KDM6B: variants seen among roughly 807,000 people sequenced by gnomAD.
KDM6B encodes lysine-specific demethylase 6B.
In KDM6B, 22 loss-of-function variants were observed where a neutral mutation model predicts 150.4. The observed-to-expected ratio is 0.15, with a 90% CI of 0.10 to 0.21. The LOEUF is 0.21. Ranked by LOEUF, KDM6B falls within the 10% of genes least tolerant of loss-of-function variation. The pLI, the probability that KDM6B is intolerant of heterozygous loss-of-function variation, is 1.00. For missense variants in KDM6B, 1,984 were observed against 2,234.3 expected (o/e 0.89, Z 2.26); for synonymous variants, 1,148 against 921.1 (o/e 1.25, Z -4.46).
intron 1 of KDM6B, among the ~76,000 whole-genome samples, chr17:7,837,061 T>C (rs755015317): frequency 3.9e-5 from 6 of 152,138 alleles, no homozygotes; most frequent in Non-Finnish European, 7.4e-5. Flanking sequence ...ACGGGTGTGG[T>C]GTGGCTGAAA....
intron 1 of KDM6B, among the ~76,000 whole-genome samples, chr17:7,835,856 C>T (rs2078326090): frequency 6.6e-6 from 1 of 152,048 alleles, no homozygotes; most frequent in African/African-American, 2.4e-5. Context: ...AGGCTGCGCT[C>T]TTCAGCCCCT....
rs1360253067 is a variant in KDM6B at position 7,843,459 on chromosome 17, C to T, written c.-268-1442C>T. Among the ~76,000 whole-genome samples the T allele has an allele frequency of 6.6e-6, 1 of 152,244 alleles. No homozygotes were observed. Among genetic ancestry groups the T allele is most frequent in the Non-Finnish European group, 1.5e-5 (1 of 68,030 alleles). ...CAAGGGCTTGGCGGAGAGTGGCACG[C>T]AGGGACCTGTAGGGTCCAAGCGCTT... On this transcript the variant is annotated intron_variant, in intron 2 of 23. Transcript: ENST00000448097. This position sits in a 1 kb window ranked among gnomAD's most constrained non-coding sequence, Gnocchi z 4.5.
chr17:7,851,835 G>T, intron 18 of KDM6B, 39 bp downstream of exon 18: 1 of 1,561,290 alleles, frequency 6.4e-7, no homozygotes, highest in Non-Finnish European at 8.7e-7. Flanking sequence ...CTGGAAGCGC[G>T]AGAGGAGGGG....
Position 7,842,035 on chromosome 17 carries a change from G to C in KDM6B, c.-269+2011G>C. 1.3e-5 allele frequency among the ~76,000 whole-genome samples: 2 copies of C among 152,346 alleles called. 1 individual carries two copies. The highest frequency in any genetic ancestry group is 6.8e-3 in the Middle Eastern group (2 of 294). On this transcript the variant is annotated intron_variant, in intron 2 of 23. Transcript: ENST00000448097. ...GCGCGCAGCATGCCCGCTGATTGCC[G>C]GCTAGGTAAAACCCTATCTGCGGGC...
chr17:7,838,745 A>T (rs963816844), intron 1 of KDM6B, among the ~76,000 whole-genome samples: 2 of 150,226 alleles, frequency 1.3e-5, no homozygotes, highest in African/African-American at 2.5e-5. Context: ...ATAGATACAC[A>T]CTCTCTGCTC....
chr17:7,846,377 G>GGGCCCCCCCCCCCCCCCC, intron 7 of KDM6B, 23 bp from the exon 8 acceptor site: 4 of 1,479,410 alleles, frequency 2.7e-6, no homozygotes, highest in South Asian at 1.2e-5. Context: ...ATCTGCCCCT[G>GGGCCCCCCCCCCCCCCCC]CCCCGTGTCC....
rs752390940 is a variant in KDM6B, at chr17:7,847,523, A to AC, written c.1258-21dup. 3.1e-6 allele frequency: 5 copies of AC among 1,613,022 alleles called. No homozygotes were observed. In the South Asian group the frequency reaches 3.3e-5, roughly 11 times the overall value. On this transcript the variant is annotated intron_variant, in intron 11 of 23. Coordinates refer to ENST00000448097, the MANE Select transcript of KDM6B (RefSeq NM_001348716.2). ...TTGAGGCAGCCCGAGCAATGCTCCTACCACCTGCTTCTACACTTGCAGCCC... is the reference window on the plus strand; with the variant it reads ...TTGAGGCAGCCCGAGCAATGCTCCTACCCACCTGCTTCTACACTTGCAGCCC...
rs2078461196 is a variant in KDM6B, at chr17:7,843,536, G to C, written c.-268-1365G>C. Among the ~76,000 whole-genome samples, 1 of 152,172 alleles carries C rather than the reference G, an allele frequency of 6.6e-6. No individual in the cohort carries two copies. The highest frequency in any genetic ancestry group is 1.5e-5 in the Non-Finnish European group (1 of 68,020). On this transcript the variant is annotated intron_variant, in intron 2 of 23. Coordinates refer to ENST00000448097, the MANE Select transcript of KDM6B (RefSeq NM_001348716.2). The surrounding 1 kb of genome is among the most constrained non-coding windows in gnomAD (Gnocchi z 4.5). Reference sequence around the variant, plus strand: ...TCGGGAAGGAAGGCTCTTTTCACCAGAAACCCGTCTGCCCTTGTGGGCTGG... The same window carrying C: ...TCGGGAAGGAAGGCTCTTTTCACCACAAACCCGTCTGCCCTTGTGGGCTGG...
intron 21 of KDM6B, 135 bp from the exon 22 acceptor site, chr17:7,852,865 G>C (rs1437526051): frequency 7.5e-7 from 1 of 1,327,930 alleles, no homozygotes; most frequent in Non-Finnish European, 1.1e-6. Flanking sequence ...CCAGGACAGA[G>C]GATGTGACCT....
At chr17:7,835,486 G>A (rs1407808858) in intron 1 of KDM6B, among the ~76,000 whole-genome samples, 3 of 151,956 alleles carry the variant, frequency 2.0e-5, no homozygotes, top group Non-Finnish European at 4.4e-5. Context: ...GAGGCGCAGC[G>A]TTGACCTCGG....
intron 2 of KDM6B, among the ~76,000 whole-genome samples, chr17:7,842,964 G>A (rs1247403804): frequency 6.6e-6 from 1 of 152,154 alleles, no homozygotes; most frequent in East Asian, 1.9e-4. Context: ...TAGTGTACAG[G>A]AAGTTTTGTC....
intron 2 of KDM6B, among the ~76,000 whole-genome samples, chr17:7,840,846 C>G (rs1343382647): frequency 6.6e-6 from 1 of 152,192 alleles, no homozygotes; most frequent in Non-Finnish European, 1.5e-5. Context: ...CCTATGACTT[C>G]TGAGATTTGC....
At position 7,848,617 on chromosome 17, in the gene KDM6B, C is replaced by T; in HGVS notation, c.2329C>T (p.Pro777Ser). The T allele has an allele frequency of 6.3e-7, 1 of 1,596,240 alleles. No individual in the cohort carries two copies. Among genetic ancestry groups the T allele is most frequent in the Non-Finnish European group, 8.5e-7 (1 of 1,172,154 alleles). ...GAAGAAGCCACCACCAGCCCTACCACCACCACCGCCTCTAGCCAAGTTCCC... is the reference window on the plus strand; with the variant it reads ...GAAGAAGCCACCACCAGCCCTACCATCACCACCGCCTCTAGCCAAGTTCCC... Reference protein sequence around the residue: ...EEKKPPPALPPPPPLAKFPPP... With the variant: ...EEKKPPPALPSPPPLAKFPPP... Residue 777 changes from proline (P) to serine (S), a missense_variant, in exon 12 of 24, where the codon CCA (proline) becomes TCA (serine). By Grantham distance (74) the Pro-to-Ser change is moderately conservative. Coordinates refer to ENST00000448097, the MANE Select transcript of KDM6B (RefSeq NM_001348716.2).
chr17:7,834,295 C>T lies in KDM6B; in HGVS notation c.-443C>T, dbSNP rs1354210910. 2.0e-5 allele frequency among the ~76,000 whole-genome samples: 3 copies of T among 151,602 alleles called. No individual in the cohort carries two copies. The highest frequency in any genetic ancestry group is 6.6e-5 in the Admixed American group (1 of 15,266). ...CGGCCTGGGAGAAGGGGGGGCCGCTCGACCCCCTGGGATACCTTGGGGAGC... is the reference window on the plus strand; with the variant it reads ...CGGCCTGGGAGAAGGGGGGGCCGCTTGACCCCCTGGGATACCTTGGGGAGC... On this transcript the variant is annotated 5_prime_UTR_variant, in exon 1 of 24. Transcript: ENST00000448097.
chr17:7,835,200 A>G (rs920249943), intron 1 of KDM6B, among the ~76,000 whole-genome samples: 3 of 151,382 alleles, frequency 2.0e-5, no homozygotes, highest in African/African-American at 7.3e-5. Context: ...GGGGCTGGGG[A>G]CTCAATCTCC....
chr17:7,844,064 C>G lies in KDM6B; in HGVS notation c.-268-837C>G, dbSNP rs1024094362. ...CCTCCTCCCTCCCTCAGGACCCCCC[C>G]CCCCGCAGTACATTTACACACACCG... On this transcript the variant is annotated intron_variant, in intron 2 of 23. Transcript: ENST00000448097. The surrounding 1 kb of genome is among the most constrained non-coding windows in gnomAD (Gnocchi z 5.9). 5 of 149,834 alleles carry G rather than the reference C, an allele frequency of 3.3e-5. No homozygotes were observed. Among genetic ancestry groups the G allele is most frequent in the Admixed American group, 1.3e-4 (2 of 15,156 alleles). The allele number at this position is 149,834 out of a possible 1,614,324, so 9.3% of individuals were successfully genotyped here.
rs1231126993 is a variant in KDM6B, at chr17:7,849,233, AGCATCGGCG to A, written c.2949_2957del (p.His986_Arg988del). On this transcript the variant is annotated inframe_deletion, in exon 12 of 24. Transcript: ENST00000448097. ...CGGCGACAGAAGGAGCATCAGAAGGAGCATCGGCGGCACAGGCGGGCCTGTAAGGACAGT... is the reference window on the plus strand; with the variant it reads ...CGGCGACAGAAGGAGCATCAGAAGGAGCACAGGCGGGCCTGTAAGGACAGT... The A allele has an allele frequency of 1.3e-6, 2 of 1,579,246 alleles. No homozygotes were observed. Among genetic ancestry groups the A allele is most frequent in the Non-Finnish European group, 1.7e-6 (2 of 1,161,912 alleles).
rs750303886 is a variant in KDM6B at position 7,848,864 on chromosome 17, G to A, written c.2576G>A (p.Gly859Asp). Residue 859 changes from glycine (G) to aspartate (D), a missense_variant, in exon 12 of 24, where the codon GGC becomes GAC. By Grantham distance (94) the Gly-to-Asp change is moderately conservative. Around this residue, in one of 13 missense-constraint regions of KDM6B, gnomAD observed 1,379 missense variants for 1,275.6 expected, o/e 1.08. Transcript: ENST00000448097. ...ACCTCAGCGGCCCCTAGCGCCCAGG[G>A]CTCCCCACAGCCCTCTGCTTCCTCG... The part of the protein sequence containing the change: ...PPTSAAPSAQ[G>D]SPQPSASSSS... The A allele has an allele frequency of 1.9e-6, 3 of 1,610,640 alleles. No individual in the cohort carries two copies. In the Admixed American group the frequency reaches 5.0e-5, roughly 27 times the overall value.
At position 7,848,559 on chromosome 17, in the gene KDM6B, C is replaced by G. The variant is rs890519926; in HGVS notation, c.2271C>G (p.Thr757=). The G allele has an allele frequency of 6.2e-7, 1 of 1,607,952 alleles. No homozygotes were observed. The highest frequency in any genetic ancestry group is 8.5e-7 in the Non-Finnish European group (1 of 1,178,068). The stretch of plus-strand genomic sequence containing the variant: ...TCGCCGTCACCACCACCACCACCAC[C>G]ACCACCACCACCACGGCCACCCAGG... ...PAVAVTTTTT[T]TTTTTATQEE... is the part of the protein sequence containing the mutation. Residue 757 remains threonine, a synonymous_variant, in exon 12 of 24, where the codon ACC becomes ACG. Transcript: ENST00000448097.
Sources: allele counts gnomAD v4.1 joint callset (sites outside exome capture counted in the v4.1 genomes callset), GRCh38; gene constraint gnomAD v4.1.1; regional missense constraint gnomAD v4.1.1; non-coding constraint Gnocchi (gnomAD v3.1); transcripts MANE v1.5; gene names NCBI Gene and HGNC (gene_info 2026-07-23, HGNC 2026-07-21).